RIMS2: variants seen among roughly 807,000 people sequenced by gnomAD.
RIMS2 encodes the protein regulating synaptic membrane exocytosis 2.
RIMS2 carries 59 observed loss-of-function variants against 174.4 expected under a neutral mutation model. The observed-to-expected ratio is 0.34, with a 90% CI of 0.27 to 0.42. The LOEUF (loss-of-function observed/expected upper bound fraction) is 0.42, where lower values mean the gene tolerates loss of function less well. Ranked by LOEUF, RIMS2 falls within the 10% of genes least tolerant of loss-of-function variation. The probability of loss-of-function intolerance (pLI) is 1.00; values close to 1 mark genes in which losing one functional copy is unlikely to be tolerated. For missense variants in RIMS2, 1,620 were observed against 1,666.3 expected, an observed-to-expected ratio of 0.97 and a Z score of 0.48; for synonymous variants, 606 against 572.5, an observed-to-expected ratio of 1.06 and a Z score of -0.84.
intron 3 of RIMS2, among the ~76,000 whole-genome samples, chr8:103,796,645 A>C (rs2098551939): frequency 6.6e-6 from 1 of 152,144 alleles, no homozygotes; most frequent in African/African-American, 2.4e-5. Context: ...TCTTATCTAG[A>C]ATTCTATTCT....
intron 1 of RIMS2, among the ~76,000 whole-genome samples, chr8:103,686,854 T>C (rs2096946751): frequency 6.6e-6 from 1 of 152,118 alleles, no homozygotes; most frequent in Non-Finnish European, 1.5e-5. Flanking sequence ...CTTGTATTCC[T>C]GGACTCAAGC....
At chr8:103,668,200 A>G (rs1265847282) in intron 1 of RIMS2, among the ~76,000 whole-genome samples, 1 of 152,206 alleles carries the variant, frequency 6.6e-6, no homozygotes, top group Non-Finnish European at 1.5e-5. Flanking sequence ...TCTGATTGTT[A>G]TCAATCTGCA....
intron 19 of RIMS2, among the ~76,000 whole-genome samples, chr8:104,105,122 C>A (rs1294748865): frequency 2.0e-5 from 3 of 151,990 alleles, no homozygotes; most frequent in Non-Finnish European, 4.4e-5. Context: ...GAAGAAAAGT[C>A]TAAGCCAGCT....
chr8:103,635,366 C>T (rs1160085321), intron 1 of RIMS2, among the ~76,000 whole-genome samples: 1 of 152,228 alleles, frequency 6.6e-6, no homozygotes, highest in African/African-American at 2.4e-5. Context: ...TGACTGGATC[C>T]ATAGCTCTGG....
chr8:103,566,240 C>T (rs1366381868), intron 1 of RIMS2, among the ~76,000 whole-genome samples: 2 of 152,294 alleles, frequency 1.3e-5, no homozygotes, highest in Non-Finnish European at 2.9e-5. Flanking sequence ...CCTCCCCCTT[C>T]CCCATTCCTG....
intron 14 of RIMS2, among the ~76,000 whole-genome samples, chr8:103,958,383 A>G (rs2154544906): frequency 6.6e-6 from 1 of 152,262 alleles, no homozygotes. Flanking sequence ...GAAAGGAACA[A>G]CAGACCCTGG....
intron 3 of RIMS2, among the ~76,000 whole-genome samples, chr8:103,846,279 G>A (rs972501601): frequency 6.6e-6 from 1 of 152,040 alleles, no homozygotes; most frequent in Non-Finnish European, 1.5e-5. Context: ...TTGCCTAGAA[G>A]CAGAGTCTAA....
At chr8:103,871,267 G>A (rs534918000) in intron 3 of RIMS2, among the ~76,000 whole-genome samples, 72 of 152,136 alleles carry the variant, frequency 4.7e-4, no homozygotes, top group Admixed American at 1.4e-3. Context: ...GGTGGAGAGC[G>A]CCTGTAATCC....
chr8:103,746,219 A>T (rs2097811260), intron 2 of RIMS2, among the ~76,000 whole-genome samples: 1 of 152,176 alleles, frequency 6.6e-6, no homozygotes, highest in African/African-American at 2.4e-5. Context: ...CAATTGAACG[A>T]TCTTGGCTCC....
intron 2 of RIMS2, among the ~76,000 whole-genome samples, chr8:103,713,824 C>T (rs1416346692): frequency 6.6e-6 from 1 of 152,190 alleles, no homozygotes; most frequent in African/African-American, 2.4e-5. Flanking sequence ...TTGCCTAACT[C>T]TAGGCATGAG....
chr8:103,906,875 G>A (rs1446169621), intron 4 of RIMS2, among the ~76,000 whole-genome samples: 1 of 152,136 alleles, frequency 6.6e-6, no homozygotes, highest in Admixed American at 6.5e-5. Flanking sequence ...CAGCCATCCA[G>A]GCATGGGCAT....
rs186641412 is a variant in RIMS2 at position 103,768,777 on chromosome 8, T to C, written c.698+2240T>C. 4.1e-5 allele frequency: 30 copies of C among 732,130 alleles called. No individual in the cohort carries two copies. In the African/African-American group the frequency reaches 4.9e-4, roughly 12 times the overall value. The allele number at this position is 732,130 out of a possible 1,614,324, so 45.4% of individuals were successfully genotyped here. Reference sequence around the variant, plus strand: ...TAAGAAAGCCTTTAAACAAAGAAGGTAAGAAACCTAGGACCAAAGCACCCA... The same window carrying C: ...TAAGAAAGCCTTTAAACAAAGAAGGCAAGAAACCTAGGACCAAAGCACCCA... On this transcript the variant is annotated intron_variant, in intron 3 of 23. Coordinates refer to ENST00000504942, the Ensembl canonical transcript of RIMS2.
intron 19 of RIMS2, among the ~76,000 whole-genome samples, chr8:104,145,699 A>AAATAAATAAATAAATAAAT (rs2098631994): frequency 1.3e-5 from 2 of 150,194 alleles, no homozygotes; most frequent in Admixed American, 6.6e-5. Flanking sequence ...ATAAATAAAT[A>AAATAAATAAATAAATAAAT]AATAAATAAA....
chr8:104,157,527 A>T (rs1040001483), intron 19 of RIMS2, among the ~76,000 whole-genome samples: 6 of 152,192 alleles, frequency 3.9e-5, no homozygotes, highest in African/African-American at 1.4e-4. Flanking sequence ...AACTTAAACT[A>T]TGTATCCATT....
intron 3 of RIMS2, among the ~76,000 whole-genome samples, chr8:103,857,661 T>C (rs111653081): frequency 0.012 from 1,836 of 152,312 alleles, 52 homozygotes; most frequent in African/African-American, 0.042. Context: ...ATCATACAAT[T>C]ATTATTATAT....
At chr8:103,670,536 AG>A (rs1564227907) in intron 1 of RIMS2, among the ~76,000 whole-genome samples, 2 of 152,198 alleles carry the variant, frequency 1.3e-5, no homozygotes, top group African/African-American at 4.8e-5. Flanking sequence ...TGCTTTTAAC[AG>A]CACCCAAGTC....
At chr8:103,697,206 G>A (rs1170524793) in exon 2 of RIMS2, 2 of 1,613,724 alleles carry the variant, frequency 1.2e-6, no homozygotes, top group Middle Eastern at 1.6e-4. Context: ...ACAAAACAAA[G>A]TTTGCTGATG....
chr8:103,547,293 T>C (rs1312993764), intron 1 of RIMS2, among the ~76,000 whole-genome samples: 1 of 152,176 alleles, frequency 6.6e-6, no homozygotes, highest in African/African-American at 2.4e-5. Flanking sequence ...CTGTATCTTG[T>C]CACGCATTGC....
chr8:103,942,642 G>A (rs542691718), intron 13 of RIMS2, 131 bp from the exon 16 acceptor site: 10 of 621,688 alleles, frequency 1.6e-5, no homozygotes, highest in South Asian at 1.0e-4. Flanking sequence ...ATTTTGCAAC[G>A]TCTAAATGAC....
Sources: gnomAD v4.1 joint callset for allele counts (sites outside exome capture counted in the v4.1 genomes callset) on GRCh38, gnomAD v4.1.1 for gene constraint, MANE v1.5 for transcripts, NCBI Gene and HGNC (gene_info 2026-07-23, HGNC 2026-07-21) for gene names.